Variants in LRRC49 observed in about 807,000 individuals in gnomAD.
The protein encoded by LRRC49 is leucine-rich repeat-containing protein 49.
Under a neutral mutation model 83.3 loss-of-function variants are expected in LRRC49, and 50 were observed. That is an observed-to-expected ratio of 0.60 (90% CI 0.48 to 0.76). The LOEUF is 0.76. Among genes scored for constraint, LRRC49 ranks in the 30% least tolerant of loss-of-function variants. LRRC49 has a pLI of 0.00. For synonymous variants in LRRC49, 286 were observed against 283.3 expected, an observed-to-expected ratio of 1.01 and a Z score of -0.10; for missense variants, 704 against 809.1, an observed-to-expected ratio of 0.87 and a Z score of 1.58.
At chr15:70,976,273 C>T (rs1369925578) in intron 9 of LRRC49, among the ~76,000 whole-genome samples, 1 of 152,136 alleles carries the variant, frequency 6.6e-6, no homozygotes, top group Non-Finnish European at 1.5e-5. Context: ...AGGTGTGACC[C>T]TGCAAAAAAA....
rs1567039581 is a variant in LRRC49, at chr15:70,893,637, C to T, written c.102C>T (p.Asn34=). 4 of 1,607,076 alleles carry T rather than the reference C, an allele frequency of 2.5e-6. No individual in the cohort carries two copies. The South Asian group carries it at 4.4e-5, about 18-fold the overall frequency. ...AAACATCATCGCTTCCTGAAAAAAA[C>T]AAAGTAAGATTTAAGAAGGTTGGCA... ...VIQTSSLPEK[N]KVEFKLNKDT... The change falls in exon 2 of 16, where the codon AAC becomes AAT. Residue 34 remains asparagine, a synonymous_variant. Transcript: ENST00000260382.
chr15:71,018,018 C>T (rs763119262), intron 14 of LRRC49, among the ~76,000 whole-genome samples: 29 of 151,906 alleles, frequency 1.9e-4, no homozygotes, highest in Admixed American at 6.6e-5. Flanking sequence ...CTATATGATA[C>T]TGTTTATATT....
intron 2 of LRRC49, chr15:70,895,433 T>C (rs1336400872): frequency 6.5e-6 from 1 of 153,290 alleles, no homozygotes; most frequent in Non-Finnish European, 1.5e-5. Context: ...TCATTGTATT[T>C]GTGGTGAGAG....
At chr15:70,990,666 TC>T (rs2037842314) in intron 11 of LRRC49, among the ~76,000 whole-genome samples, 1 of 152,192 alleles carries the variant, frequency 6.6e-6, no homozygotes, top group South Asian at 2.1e-4. Context: ...TGTCTGGCAC[TC>T]CCTAGTGAGA....
intron 5 of LRRC49, among the ~76,000 whole-genome samples, chr15:70,909,986 A>G (rs1037716519): frequency 3.3e-5 from 5 of 152,144 alleles, no homozygotes; most frequent in African/African-American, 1.2e-4. Context: ...AATGCCTGGC[A>G]CTAGGTGAAG....
chr15:70,899,816 AT>A (rs1399987974), intron 3 of LRRC49, among the ~76,000 whole-genome samples: 1 of 152,180 alleles, frequency 6.6e-6, no homozygotes, highest in African/African-American at 2.4e-5. Flanking sequence ...CTGTGGTAAC[AT>A]CAGGTTCTGT....
chr15:70,877,780 C>G (rs1338314514), intron 2 of LRRC49, among the ~76,000 whole-genome samples: 1 of 152,152 alleles, frequency 6.6e-6, no homozygotes, highest in Non-Finnish European at 1.5e-5. Flanking sequence ...TTTTGTATTA[C>G]TACCAGCAAT....
chr15:70,900,423 T>G (rs1334155603), intron 3 of LRRC49: 2 of 455,156 alleles, frequency 4.4e-6, no homozygotes, highest in African/African-American at 4.0e-5. Context: ...TTTTGTGTAT[T>G]TCCTATGCAT....
intron 5 of LRRC49, among the ~76,000 whole-genome samples, chr15:70,905,092 T>C (rs567462707): frequency 2.2e-4 from 34 of 152,356 alleles, no homozygotes; most frequent in Admixed American, 1.8e-3. Context: ...TGTGTTTCAC[T>C]TGTGACTCTT....
At chr15:70,963,763 G>C (rs1394697813) in intron 8 of LRRC49, 22 bp from the exon 9 acceptor site, 1 of 1,609,160 alleles carries the variant, frequency 6.2e-7, no homozygotes, top group East Asian at 2.2e-5. Context: ...GAATAATCCA[G>C]TGGTTTCTGT....
At chr15:71,032,621 T>G (rs2039394451) in intron 14 of LRRC49, among the ~76,000 whole-genome samples, 1 of 152,134 alleles carries the variant, frequency 6.6e-6, no homozygotes, top group African/African-American at 2.4e-5. Context: ...AATCAAATAC[T>G]GGCAAACCAA....
chr15:70,893,870 T>G (rs373997001), intron 2 of LRRC49, among the ~76,000 whole-genome samples: 144 of 149,858 alleles, frequency 9.6e-4, no homozygotes, highest in African/African-American at 3.1e-3. Flanking sequence ...GTTTTTTTGT[T>G]TTTTTTTTTT....
intron 7 of LRRC49, among the ~76,000 whole-genome samples, chr15:70,919,868 G>C (rs2034942651): frequency 1.3e-5 from 2 of 152,140 alleles, no homozygotes; most frequent in South Asian, 4.1e-4. Context: ...GTTCGATTGT[G>C]GGGGCAAAAC....
intron 6 of LRRC49, among the ~76,000 whole-genome samples, chr15:70,912,069 A>C (rs528280707): frequency 6.6e-6 from 1 of 152,276 alleles, no homozygotes; most frequent in Admixed American, 6.5e-5. Flanking sequence ...TTAATTTAAA[A>C]AAGGTATACT....
intron 14 of LRRC49, among the ~76,000 whole-genome samples, chr15:71,029,337 A>G (rs1037965692): frequency 6.6e-6 from 1 of 151,996 alleles, no homozygotes; most frequent in Admixed American, 6.6e-5. Context: ...TGTAGTTTGG[A>G]GTGAGTTTCT....
At chr15:71,007,094 T>A (rs2038484306) in intron 11 of LRRC49, among the ~76,000 whole-genome samples, 1 of 151,998 alleles carries the variant, frequency 6.6e-6, no homozygotes, top group African/African-American at 2.4e-5. Context: ...GGTTGCATAT[T>A]CACTTAAAGT....
chr15:71,004,243 T>C (rs2038372619), intron 11 of LRRC49, among the ~76,000 whole-genome samples: 1 of 152,162 alleles, frequency 6.6e-6, no homozygotes, highest in Non-Finnish European at 1.5e-5. Context: ...ATAGAAATAT[T>C]GTTCAACCCA....
intron 2 of LRRC49, among the ~76,000 whole-genome samples, chr15:70,886,871 GA>G (rs533682325): frequency 0.056 from 7,697 of 137,536 alleles, 250 homozygotes; most frequent in African/African-American, 0.11. Flanking sequence ...GTCTAAAAAA[GA>G]AAAAAAAAAA....
intron 2 of LRRC49, among the ~76,000 whole-genome samples, chr15:70,878,342 GTACA>G (rs1443893674): frequency 1.3e-5 from 2 of 151,992 alleles, no homozygotes; most frequent in Non-Finnish European, 2.9e-5. Flanking sequence ...GAGGTTCTAC[GTACA>G]TAATCATATC....
Sources: gnomAD v4.1 joint callset for allele counts (sites outside exome capture counted in the v4.1 genomes callset) on GRCh38, gnomAD v4.1.1 for gene constraint, MANE v1.5 for transcripts, NCBI Gene and HGNC (gene_info 2026-07-23, HGNC 2026-07-21) for gene names.